CFAP100: variants seen among roughly 807,000 people sequenced by gnomAD.
The protein encoded by CFAP100 is cilia- and flagella-associated protein 100.
Under a neutral mutation model 81.5 loss-of-function variants are expected in CFAP100, and 70 were observed. The observed-to-expected ratio is 0.86, with a 90% CI of 0.71 to 1.05. The LOEUF (loss-of-function observed/expected upper bound fraction) is 1.05. CFAP100 is among the 50% of genes least tolerant of loss of function. The pLI, the probability that CFAP100 is intolerant of heterozygous loss-of-function variation, is 0.00. For synonymous variants in CFAP100, 341 were observed against 314.8 expected (o/e 1.08, Z -0.88); for missense variants, 811 against 776.5 (o/e 1.04, Z -0.53).
intron 4 of CFAP100, among the ~76,000 whole-genome samples, chr3:126,414,612 A>C (rs2083205397): frequency 6.6e-6 from 1 of 152,158 alleles, no homozygotes; most frequent in South Asian, 2.1e-4. Context: ...GGACCCCTGC[A>C]GGTCAGACCC....
intron 5 of CFAP100, among the ~76,000 whole-genome samples, chr3:126,417,722 C>G (rs1343089630): frequency 6.6e-6 from 1 of 152,238 alleles, no homozygotes; most frequent in East Asian, 1.9e-4. Context: ...CCAGCCAGGG[C>G]CTCTGCCGGG....
chr3:126,402,122 A>G (rs1315475139), intron 2 of CFAP100, among the ~76,000 whole-genome samples: 1 of 152,222 alleles, frequency 6.6e-6, no homozygotes, highest in Non-Finnish European at 1.5e-5. Flanking sequence ...TGACCCTGAG[A>G]AAGCGCCCAC....
Position 126,418,599 on chromosome 3 carries a change from G to T in CFAP100, c.487-12G>T, listed in dbSNP as rs1239638962. 2 of 1,610,744 alleles carry T rather than the reference G, an allele frequency of 1.2e-6. No homozygotes were observed. The highest frequency in any genetic ancestry group is 1.7e-5 in the Admixed American group (1 of 59,576). Reference sequence around the variant, plus strand: ...GGGCCAGGCACCATGACCCCACTCTGCTGGCCCCCAGTATGCCCTGGATGT... The same window carrying T: ...GGGCCAGGCACCATGACCCCACTCTTCTGGCCCCCAGTATGCCCTGGATGT... On this transcript the variant is annotated splice_polypyrimidine_tract_variant and intron_variant, in intron 6 of 16. Transcript: ENST00000352312.
intron 2 of CFAP100, among the ~76,000 whole-genome samples, chr3:126,397,844 T>C (rs2082912470): frequency 6.6e-6 from 1 of 152,204 alleles, no homozygotes. Flanking sequence ...GGTTTGGGGA[T>C]GCTGAGCCAA....
rs186902629 is a variant in CFAP100 at position 126,408,119 on chromosome 3, G to A, written c.130+867G>A. ...TCCAGATGTAGAGATTGGAGCCAAC[G>A]AGTTTCACAGGCCCACCACCAGGTT... On this transcript the variant is annotated intron_variant, in intron 3 of 16. Coordinates refer to ENST00000352312, the MANE Select transcript of CFAP100 (RefSeq NM_182628.3). Among the ~76,000 whole-genome samples, 584 of 152,216 alleles carry A rather than the reference G, an allele frequency of 3.8e-3. 8 individuals carry two copies. The highest frequency in any genetic ancestry group is 3.1e-3 in the Non-Finnish European group (208 of 68,022).
In CFAP100 at chr3:126,418,449, T is replaced by C; in HGVS notation, c.419-9T>C. On this transcript the variant is annotated splice_polypyrimidine_tract_variant and intron_variant, in intron 5 of 16. Coordinates refer to ENST00000352312, the MANE Select transcript of CFAP100 (RefSeq NM_182628.3). ...CCCGCTCCTGCTCACCTCCCTCTTC[T>C]TCCAGCAGAAAAGAATGTGGAGCCT... The C allele has an allele frequency of 6.2e-7, 1 of 1,613,984 alleles. No homozygotes were observed.
chr3:126,420,331 G>T, intron 11 of CFAP100, 102 bp downstream of exon 11: 4 of 1,482,996 alleles, frequency 2.7e-6, no homozygotes, highest in Non-Finnish European at 3.6e-6. Flanking sequence ...AAAAGAAAGT[G>T]TGTTACTCAC....
chr3:126,423,051 T>C (rs1166477829), intron 11 of CFAP100, among the ~76,000 whole-genome samples: 1 of 152,206 alleles, frequency 6.6e-6, no homozygotes, highest in African/African-American at 2.4e-5. Flanking sequence ...CACCCAGGAC[T>C]GGGGCCTCTG....
Position 126,418,073 on chromosome 3 carries a change from TC to T in CFAP100, c.419-381del, listed in dbSNP as rs1251696281. On this transcript the variant is annotated intron_variant, in intron 5 of 16. Transcript: ENST00000352312. The stretch of plus-strand genomic sequence containing the variant: ...AGGTGCCCCAAGTAGCAATTATGGC[TC>T]CCCATTTTTCTGTCCTCATCCCCAT... The T allele has an allele frequency of 3.9e-5, 8 of 203,284 alleles. No individual in the cohort carries two copies. The South Asian group carries it at 7.4e-4, about 19-fold the overall frequency. 12.6% of individuals were successfully genotyped at this position (203,284 alleles called of 1,614,324 possible).
chr3:126,399,380 T>C (rs184806252), intron 2 of CFAP100, among the ~76,000 whole-genome samples: 66 of 152,120 alleles, frequency 4.3e-4, no homozygotes, highest in Middle Eastern at 6.8e-3. Flanking sequence ...AATATTGCAC[T>C]AGAAGTTCTA....
At chr3:126,421,128 G>A (rs2083325791) in intron 11 of CFAP100, among the ~76,000 whole-genome samples, 1 of 152,026 alleles carries the variant, frequency 6.6e-6, no homozygotes, top group Non-Finnish European at 1.5e-5. Context: ...TCAGCCTCCC[G>A]AGTAGCTGGG....
chr3:126,411,546 C>CT (rs940413751), intron 3 of CFAP100, among the ~76,000 whole-genome samples: 30 of 148,750 alleles, frequency 2.0e-4, no homozygotes, highest in African/African-American at 4.9e-4. Flanking sequence ...TGCTTTTGGG[C>CT]TTTTTTTTTG....
chr3:126,416,527 G>T lies in CFAP100; in HGVS notation c.418+19G>T. The T allele has an allele frequency of 6.5e-7, 1 of 1,528,330 alleles. No homozygotes were observed. Among genetic ancestry groups the T allele is most frequent in the East Asian group, 2.4e-5 (1 of 41,518 alleles). 94.7% of individuals were successfully genotyped at this position (1,528,330 alleles called of 1,614,324 possible). ...ACCAAAGGTGCGTCCCCTCCGGCGCGGGGGGACCTGGGCCAGTGGCGTCCC... is the reference window on the plus strand; with the variant it reads ...ACCAAAGGTGCGTCCCCTCCGGCGCTGGGGGACCTGGGCCAGTGGCGTCCC... On this transcript the variant is annotated intron_variant, in intron 5 of 16. Transcript: ENST00000352312.
At chr3:126,416,286 G>A (rs772618975) in intron 4 of CFAP100, 30 bp from the exon 5 acceptor site, 1 of 1,559,402 alleles carries the variant, frequency 6.4e-7, no homozygotes, top group Non-Finnish European at 8.7e-7. Context: ...GGGAGCCTGG[G>A]CCCCGCCCGA....
chr3:126,416,251 G>A (rs553678894), intron 4 of CFAP100, 65 bp from the exon 5 acceptor site: 12 of 1,440,264 alleles, frequency 8.3e-6, no homozygotes, highest in African/African-American at 1.4e-5. Context: ...ATGGGGAACC[G>A]CGCGGGGAGG....
chr3:126,404,069 G>C (rs1387430060), intron 2 of CFAP100, among the ~76,000 whole-genome samples: 1 of 152,198 alleles, frequency 6.6e-6, no homozygotes, highest in Non-Finnish European at 1.5e-5. Context: ...TTTCAGTAGA[G>C]AAATGGGCAA....
At chr3:126,434,533 T>A in intron 15 of CFAP100, 152 bp downstream of exon 15, 1 of 722,048 alleles carries the variant, frequency 1.4e-6, no homozygotes. Context: ...TGGGGGGATC[T>A]AGAGGGGCAT....
At chr3:126,434,476 G>A in intron 15 of CFAP100, 95 bp downstream of exon 15, 2 of 1,204,334 alleles carry the variant, frequency 1.7e-6, no homozygotes, top group Middle Eastern at 2.8e-4. Flanking sequence ...ACTCCCAGGA[G>A]ACAGGCCCCT....
At chr3:126,414,218 T>C (rs780620262) in intron 4 of CFAP100, 39 bp downstream of exon 4, 2 of 1,431,204 alleles carry the variant, frequency 1.4e-6, no homozygotes, top group East Asian at 4.5e-5. Context: ...TCCGGGAGCT[T>C]CCCTGCTCCC....
Sources: allele counts gnomAD v4.1 joint callset (sites outside exome capture counted in the v4.1 genomes callset), GRCh38; gene constraint gnomAD v4.1.1; transcripts MANE v1.5; gene names NCBI Gene and HGNC (gene_info 2026-07-23, HGNC 2026-07-21).